MBD5: variants seen among roughly 807,000 people sequenced by gnomAD.
MBD5 encodes the protein methyl-CpG-binding domain protein 5.
Under a neutral mutation model 117.3 loss-of-function variants are expected in MBD5, and 13 were observed. That is an observed-to-expected ratio of 0.11 (90% CI 0.07 to 0.18). The LOEUF is 0.18. Among genes scored for constraint, MBD5 ranks in the 10% least tolerant of loss-of-function variants. The pLI is 1.00. For synonymous variants in MBD5, 727 were observed against 766.4 expected (o/e 0.95, Z 0.85); for missense variants, 1,879 against 2,093.8 (o/e 0.90, Z 2.00).
At chr2:148,326,556 T>C (rs964553795) in intron 3 of MBD5, among the ~76,000 whole-genome samples, 2 of 152,138 alleles carry the variant, frequency 1.3e-5, no homozygotes, top group Non-Finnish European at 2.9e-5. Context: ...ATAGTTAGCT[T>C]TTCTTGGTGA....
intron 1 of MBD5, among the ~76,000 whole-genome samples, chr2:148,155,887 G>T (rs1697860644): frequency 6.6e-6 from 1 of 152,190 alleles, no homozygotes; most frequent in African/African-American, 2.4e-5. Context: ...TGATTTATGA[G>T]TGCGAACTCT....
chr2:148,116,374 C>T (rs976963715), intron 1 of MBD5, among the ~76,000 whole-genome samples: 3 of 152,250 alleles, frequency 2.0e-5, no homozygotes, highest in South Asian at 4.2e-4. Context: ...TCCAACATGA[C>T]GTTGAAATGT....
chr2:148,449,177 A>T (rs1388277219), intron 4 of MBD5, among the ~76,000 whole-genome samples: 2 of 152,104 alleles, frequency 1.3e-5, no homozygotes, highest in East Asian at 3.9e-4. Flanking sequence ...TTTTTTAAAG[A>T]TATGTATTTG....
rs1702179625 is a variant in MBD5, at chr2:148,317,366, C to T, written c.-679-24848C>T. On this transcript the variant is annotated intron_variant, in intron 3 of 13. Transcript: ENST00000642680. ...CCTGGGCAACAAGAGCGAAACTCCG[C>T]CTCAAAAAAAAAAATTGAGTTAACC... Among the ~76,000 whole-genome samples the T allele has an allele frequency of 3.3e-5, 5 of 151,064 alleles. No individual in the cohort carries two copies. The South Asian group carries it at 1.0e-3, about 32-fold the overall frequency.
chr2:148,402,262 T>C (rs1283635620), intron 4 of MBD5, among the ~76,000 whole-genome samples: 1 of 152,198 alleles, frequency 6.6e-6, no homozygotes, highest in African/African-American at 2.4e-5. Flanking sequence ...CCTGCTATAA[T>C]TATTACTAGA....
intron 1 of MBD5, among the ~76,000 whole-genome samples, chr2:148,163,501 A>G (rs774100364): frequency 6.6e-6 from 1 of 152,110 alleles, no homozygotes; most frequent in Non-Finnish European, 1.5e-5. Context: ...GGCTCACTGC[A>G]ACCTCCCAGG....
intron 4 of MBD5, among the ~76,000 whole-genome samples, chr2:148,352,182 C>T (rs1044046346): frequency 2.6e-5 from 4 of 152,004 alleles, no homozygotes; most frequent in African/African-American, 7.2e-5. Flanking sequence ...AAAGCCATCT[C>T]CCTCTCCATG....
At chr2:148,267,210 A>AT (rs1410084037) in intron 3 of MBD5, among the ~76,000 whole-genome samples, 2 of 152,168 alleles carry the variant, frequency 1.3e-5, no homozygotes, top group East Asian at 1.9e-4. Context: ...CAGTAGACAG[A>AT]TAAAAAAAGA....
At chr2:148,299,851 C>T (rs1437338668) in intron 3 of MBD5, among the ~76,000 whole-genome samples, 1 of 152,156 alleles carries the variant, frequency 6.6e-6, no homozygotes, top group Non-Finnish European at 1.5e-5. Context: ...CCATAGTTTG[C>T]TTTCTTGCCT....
chr2:148,160,778 T>TATCA (rs1697989390), intron 1 of MBD5, among the ~76,000 whole-genome samples: 1 of 152,214 alleles, frequency 6.6e-6, no homozygotes, highest in African/African-American at 2.4e-5. Context: ...ATTTGCCTTA[T>TATCA]ATCAGTTCTT....
chr2:148,215,761 G>A (rs1267831122), intron 2 of MBD5, among the ~76,000 whole-genome samples: 1 of 149,308 alleles, frequency 6.7e-6, no homozygotes, highest in East Asian at 2.0e-4. Context: ...GGCTTCAAGC[G>A]ATTTTCCTAC....
chr2:148,407,064 G>A (rs781545490), intron 4 of MBD5, among the ~76,000 whole-genome samples: 7 of 152,100 alleles, frequency 4.6e-5, no homozygotes, highest in Non-Finnish European at 7.4e-5. Flanking sequence ...CCAGTGCCTA[G>A]CATTATGTCT....
chr2:148,151,229 T>C (rs1007220583), intron 1 of MBD5, among the ~76,000 whole-genome samples: 1 of 152,152 alleles, frequency 6.6e-6, no homozygotes, highest in Non-Finnish European at 1.5e-5. Context: ...GCTCTGTTTA[T>C]GTGCTGGATT....
intron 3 of MBD5, among the ~76,000 whole-genome samples, chr2:148,281,955 C>T (rs1448262376): frequency 6.6e-6 from 1 of 152,120 alleles, no homozygotes. Flanking sequence ...TGCATCTAAC[C>T]GCTACCAGAC....
chr2:148,433,303 G>A (rs776512906), intron 4 of MBD5, among the ~76,000 whole-genome samples: 2 of 152,064 alleles, frequency 1.3e-5, no homozygotes, highest in African/African-American at 2.4e-5. Context: ...TCTGCAAACA[G>A]GGGTAGTTTG....
chr2:148,359,160 G>T (rs1038809204), intron 4 of MBD5, among the ~76,000 whole-genome samples: 1 of 151,764 alleles, frequency 6.6e-6, no homozygotes, highest in Non-Finnish European at 1.5e-5. Context: ...CCAGCTATTT[G>T]GGAGGCAGAG....
At chr2:148,252,890 A>T (rs1219838761) in intron 3 of MBD5, among the ~76,000 whole-genome samples, 1 of 152,210 alleles carries the variant, frequency 6.6e-6, no homozygotes, top group Non-Finnish European at 1.5e-5. Flanking sequence ...AGCCATGAGC[A>T]TGTTTATTGG....
intron 8 of MBD5, among the ~76,000 whole-genome samples, chr2:148,476,065 G>T (rs1680953620): frequency 1.3e-5 from 2 of 152,178 alleles, no homozygotes; most frequent in East Asian, 1.9e-4. Context: ...TATTCCTGGG[G>T]TTGGAGTTAG....
intron 1 of MBD5, among the ~76,000 whole-genome samples, chr2:148,102,653 A>G (rs1161027695): frequency 1.3e-5 from 2 of 149,056 alleles, no homozygotes; most frequent in African/African-American, 4.9e-5. Flanking sequence ...TCAGAATTAA[A>G]TTGCTTATTT....
Sources: allele counts gnomAD v4.1 joint callset (sites outside exome capture counted in the v4.1 genomes callset), GRCh38; gene constraint gnomAD v4.1.1; transcripts MANE v1.5; gene names NCBI Gene and HGNC (gene_info 2026-07-23, HGNC 2026-07-21).